Variants in GALNT18 observed in about 807,000 individuals in gnomAD.
The protein encoded by GALNT18 is polypeptide N-acetylgalactosaminyltransferase 18.
A neutral mutation model predicts 69.5 loss-of-function variants in GALNT18; 44 were observed. The ratio of observed to expected loss-of-function variants is 0.63; its 90% CI spans 0.50 to 0.81. The LOEUF (loss-of-function observed/expected upper bound fraction) is 0.81. Among genes scored for constraint, GALNT18 ranks in the 40% least tolerant of loss-of-function variants. The pLI is 0.00. For missense variants in GALNT18, 715 were observed against 810.0 expected, an observed-to-expected ratio of 0.88 and a Z score of 1.42; for synonymous variants, 364 against 318.2, an observed-to-expected ratio of 1.14 and a Z score of -1.53.
rs377011387 is a variant in GALNT18, at chr11:11,459,424, C to T, written c.236-10488G>A. 3.7e-4 allele frequency among the ~76,000 whole-genome samples: 57 copies of T among 152,256 alleles called. No homozygotes were observed. The East Asian group carries it at 7.8e-3, about 21-fold the overall frequency. ...GGCAAAGGAAATCTAGGATGGCTTC[C>T]TCTGACACCTGAACAGTGTTGCAGG... On this transcript the variant is annotated intron_variant, in intron 1 of 10. Transcript: ENST00000227756. The surrounding 1 kb of genome is among the most constrained non-coding windows in gnomAD (Gnocchi z 5.0).
intron 1 of GALNT18, among the ~76,000 whole-genome samples, chr11:11,557,702 T>G (rs539636714): frequency 6.6e-6 from 1 of 152,186 alleles, no homozygotes; most frequent in Non-Finnish European, 1.5e-5. Context: ...GGAAGGGGAA[T>G]TGGGGACCCA....
intron 3 of GALNT18, among the ~76,000 whole-genome samples, chr11:11,412,696 T>C (rs1031295137): frequency 2.6e-5 from 4 of 152,234 alleles, no homozygotes; most frequent in African/African-American, 7.2e-5. Context: ...TCAAAACATA[T>C]GTGCATGGAC....
chr11:11,284,930 T>TTTTTTTTTTTTTTA (rs1554909662), intron 10 of GALNT18, among the ~76,000 whole-genome samples: 17 of 134,712 alleles, frequency 1.3e-4, no homozygotes, highest in African/African-American at 4.3e-4. Context: ...TTTTTTTTTT[T>TTTTTTTTTTTTTTA]AACTACTTGG....
chr11:11,273,360 G>A (rs1848866971), intron 10 of GALNT18, among the ~76,000 whole-genome samples: 1 of 129,572 alleles, frequency 7.7e-6, no homozygotes, highest in Admixed American at 7.4e-5. Flanking sequence ...TAGCAAGAAG[G>A]CAAAAAATCC....
intron 3 of GALNT18, among the ~76,000 whole-genome samples, chr11:11,379,793 G>A (rs553063817): frequency 6.6e-6 from 1 of 152,310 alleles, no homozygotes; most frequent in Non-Finnish European, 1.5e-5. Flanking sequence ...GAAGTGGATG[G>A]CCAGGAGCTG....
chr11:11,362,747 C>T (rs1850671693), intron 6 of GALNT18, among the ~76,000 whole-genome samples: 2 of 152,088 alleles, frequency 1.3e-5, no homozygotes, highest in South Asian at 4.1e-4. Context: ...AATATTACCC[C>T]TCTGAAATAC....
intron 1 of GALNT18, among the ~76,000 whole-genome samples, chr11:11,458,885 G>A (rs1855980240): frequency 6.6e-6 from 1 of 152,210 alleles, no homozygotes; most frequent in Non-Finnish European, 1.5e-5. Context: ...GCTGGTCTGG[G>A]AGACAGGAAG....
At chr11:11,518,744 C>T (rs1857334187) in intron 1 of GALNT18, among the ~76,000 whole-genome samples, 1 of 152,200 alleles carries the variant, frequency 6.6e-6, no homozygotes, top group African/African-American at 2.4e-5. Flanking sequence ...TAAGTCAGAA[C>T]CAGTAGATCA....
intron 6 of GALNT18, among the ~76,000 whole-genome samples, chr11:11,357,223 G>T (rs1246042193): frequency 6.6e-6 from 1 of 152,136 alleles, no homozygotes; most frequent in African/African-American, 2.4e-5. Flanking sequence ...ACAGTTCCCA[G>T]GAGAAGGTCT....
rs17435705 is a variant in GALNT18, at chr11:11,327,122, G to A, written c.1476C>T (p.Val492=). Residue 492 remains valine, a synonymous_variant, in exon 9 of 11, where the codon GTC becomes GTT. Transcript: ENST00000227756. ...TCCCATGGCAGATGTACATGATGGG[G>A]ACATTCTCTGTATCTGGCCCCTGGT... The part of the protein sequence containing the change: ...CLDQGPDTEN[V]PIMYICHGMT... 0.085 allele frequency: 136,560 copies of A among 1,613,166 alleles called. 6,489 individuals carry two copies. Among genetic ancestry groups the A allele is most frequent in the Middle Eastern group, 0.11 (677 of 6,060 alleles).
At chr11:11,277,279 ATTTTCTAGT>A (rs539697082) in intron 10 of GALNT18, among the ~76,000 whole-genome samples, 6 of 151,854 alleles carry the variant, frequency 4.0e-5, no homozygotes, top group Admixed American at 3.9e-4. Flanking sequence ...TTTCTTCTAG[ATTTTCTAGT>A]TTTTTTGTGT....
chr11:11,466,582 C>CT (rs1387502711), intron 1 of GALNT18, among the ~76,000 whole-genome samples: 9 of 152,298 alleles, frequency 5.9e-5, no homozygotes, highest in African/African-American at 2.2e-4. Context: ...CCTCTTTCCT[C>CT]CTTTGCCAGA....
chr11:11,615,665 AAAG>A (rs953809120), intron 1 of GALNT18, among the ~76,000 whole-genome samples: 1 of 152,082 alleles, frequency 6.6e-6, no homozygotes, highest in African/African-American at 2.4e-5. Context: ...CTTTTTTTTT[AAAG>A]AAGTACAACT....
At chr11:11,331,123 G>C (rs893152079) in intron 8 of GALNT18, among the ~76,000 whole-genome samples, 9 of 152,244 alleles carry the variant, frequency 5.9e-5, no homozygotes, top group African/African-American at 2.2e-4. Flanking sequence ...GAATGGGACA[G>C]ATAGGCACCT....
chr11:11,271,067 C>T lies in GALNT18; in HGVS notation c.*77G>A. 7.1e-7 allele frequency: 1 copy of T among 1,408,890 alleles called. No individual in the cohort carries two copies. Among genetic ancestry groups the T allele is most frequent in the Non-Finnish European group, 9.7e-7 (1 of 1,032,650 alleles). The allele number at this position is 1,408,890 out of a possible 1,614,324, so 87.3% of individuals were successfully genotyped here. On this transcript the variant is annotated 3_prime_UTR_variant, in exon 11 of 11. Transcript: ENST00000227756. ...ACCTGGTTCCCCAGACTCCAAACAA[C>T]CCCACGTGGACAGCAGGCAACGTTG...
intron 1 of GALNT18, among the ~76,000 whole-genome samples, chr11:11,521,746 AG>A (rs1206773901): frequency 6.6e-6 from 1 of 152,190 alleles, no homozygotes; most frequent in African/African-American, 2.4e-5. Context: ...GCTTATGTGA[AG>A]GGAACGGAGG....
At chr11:11,467,397 TGA>T (rs1044422736) in intron 1 of GALNT18, among the ~76,000 whole-genome samples, 1 of 152,170 alleles carries the variant, frequency 6.6e-6, no homozygotes, top group Non-Finnish European at 1.5e-5. Context: ...CAGAGCCAGA[TGA>T]GAGAGGTGAT....
chr11:11,277,147 T>G (rs920656366), intron 10 of GALNT18, among the ~76,000 whole-genome samples: 5 of 152,166 alleles, frequency 3.3e-5, no homozygotes, highest in Non-Finnish European at 7.4e-5. Context: ...GTCCTGGACT[T>G]TTTTTGGTGG....
At chr11:11,428,257 C>G (rs918563048) in intron 3 of GALNT18, among the ~76,000 whole-genome samples, 13 of 152,246 alleles carry the variant, frequency 8.5e-5, no homozygotes, top group Non-Finnish European at 1.6e-4. Context: ...TAGCCATGTC[C>G]TAAGGCTAGA....
Sources: gnomAD v4.1 joint callset for allele counts (sites outside exome capture counted in the v4.1 genomes callset) on GRCh38, gnomAD v4.1.1 for gene constraint, Gnocchi (gnomAD v3.1) non-coding constraint, MANE v1.5 for transcripts, NCBI Gene and HGNC (gene_info 2026-07-23, HGNC 2026-07-21) for gene names.